The following TANGO2 variants were observed in gnomAD, a reference collection of about 807,000 sequenced individuals.
TANGO2 encodes the protein transport and Golgi organization protein 2 homolog.
TANGO2 carries 26 observed loss-of-function variants against 39.1 expected under a neutral mutation model. The observed-to-expected ratio is 0.67, with a 90% CI of 0.49 to 0.92. The LOEUF is 0.92. Ranked by LOEUF, TANGO2 falls within the 40% of genes least tolerant of loss-of-function variation. TANGO2 has a pLI of 0.00. For synonymous variants in TANGO2, 131 were observed against 144.5 expected, an observed-to-expected ratio of 0.91 and a Z score of 0.67; for missense variants, 326 against 360.1, an observed-to-expected ratio of 0.91 and a Z score of 0.77.
intron 6 of TANGO2, chr22:20,058,603 C>T (rs1051945228): frequency 6.7e-6 from 1 of 150,374 alleles, no homozygotes; most frequent in Non-Finnish European, 1.5e-5. Flanking sequence ...GATCGCGCCA[C>T]TGTACTCCAG....
In TANGO2 at chr22:20,064,779, C is replaced by A. The variant is rs3804045; in HGVS notation, c.*117C>A. ...CACTGCCCGTGGCTTGGCCAGCATC[C>A]CCCGGATCAGGGCCCTGTGGTTTGC... On this transcript the variant is annotated 3_prime_UTR_variant, in exon 9 of 9. Coordinates refer to ENST00000327374, the MANE Select transcript of TANGO2 (RefSeq NM_152906.7). The A allele has an allele frequency of 0.035, 47,244 of 1,345,630 alleles. 1,157 individuals carry two copies. The highest frequency in any genetic ancestry group is 0.092 in the East Asian group (3,781 of 40,972). 83.4% of individuals were successfully genotyped at this position (1,345,630 alleles called of 1,614,324 possible).
intron 6 of TANGO2, 112 bp from the exon 7 acceptor site, chr22:20,061,418 G>A: frequency 1.5e-6 from 2 of 1,305,220 alleles, no homozygotes; most frequent in Admixed American, 2.5e-5. Flanking sequence ...CCTCAGTCTG[G>A]CCTGATTTCA....
At chr22:20,047,235 T>TG (rs1021439555) in intron 3 of TANGO2, among the ~76,000 whole-genome samples, 1 of 149,960 alleles carries the variant, frequency 6.7e-6, no homozygotes, top group Admixed American at 6.6e-5. Flanking sequence ...TTTGTTTGTT[T>TG]TTTTTTTTTT....
At chr22:20,043,992 C>G (rs1159041743) in intron 3 of TANGO2, among the ~76,000 whole-genome samples, 2 of 152,072 alleles carry the variant, frequency 1.3e-5, no homozygotes, top group African/African-American at 2.4e-5. Context: ...CCAGGTCCTC[C>G]CCACCAAAGA....
intron 3 of TANGO2, among the ~76,000 whole-genome samples, chr22:20,044,722 T>C (rs1264710508): frequency 6.6e-6 from 1 of 152,072 alleles, no homozygotes; most frequent in Non-Finnish European, 1.5e-5. Context: ...GAGGATGCAG[T>C]GGGTGCAGGG....
intron 6 of TANGO2, among the ~76,000 whole-genome samples, chr22:20,060,348 C>CAAAAAAAAA (rs1180539682): frequency 1.2e-5 from 1 of 80,700 alleles, no homozygotes; most frequent in African/African-American, 5.1e-5. Flanking sequence ...GACTCCGTCT[C>CAAAAAAAAA]AAAAAAAAAA....
chr22:20,063,887 G>C (rs1267137902), intron 8 of TANGO2, among the ~76,000 whole-genome samples: 1 of 152,244 alleles, frequency 6.6e-6, no homozygotes, highest in Middle Eastern at 3.2e-3. Context: ...GGGAAGGCAA[G>C]TGCCAACTCC....
upstream of TANGO2, among the ~76,000 whole-genome samples, chr22:20,019,025 A>G (rs562235237): frequency 6.6e-6 from 1 of 152,266 alleles, no homozygotes; most frequent in African/African-American, 2.4e-5. Flanking sequence ...CGGAGGTTGC[A>G]GTGAGCTGAA....
chr22:20,024,373 G>A (rs961825732), intron 1 of TANGO2, among the ~76,000 whole-genome samples: 6 of 152,156 alleles, frequency 3.9e-5, no homozygotes, highest in African/African-American at 1.2e-4. Flanking sequence ...CGTGAACAGC[G>A]ACACTGTGTT....
rs1488216197 is a variant in TANGO2 at position 20,043,356 on chromosome 22, C to A, written c.58C>A (p.Leu20Ile). The A allele has an allele frequency of 1.9e-6, 3 of 1,611,246 alleles. No homozygotes were observed. The highest frequency in any genetic ancestry group is 1.7e-5 in the Admixed American group (1 of 59,736). Residue 20 changes from leucine to isoleucine, a missense_variant and splice_region_variant, in exon 3 of 9, where the codon CTC (leucine) becomes ATC (isoleucine). Leu to Ile is a conservative substitution (Grantham distance 5, BLOSUM62 2). Coordinates refer to ENST00000327374, the MANE Select transcript of TANGO2 (RefSeq NM_152906.7). ...ATCAGTGATGCTTTCCTCTTGCAGG[C>A]TCATCTTGGCAGCCAACAGGGATGA... is the stretch of plus-strand genomic sequence containing the variant. ...PRPVSKNAYR[L>I]ILAANRDEFY...
At chr22:20,043,033 C>T (rs2044273362) in intron 2 of TANGO2, among the ~76,000 whole-genome samples, 1 of 152,124 alleles carries the variant, frequency 6.6e-6, no homozygotes. Flanking sequence ...CACCCTCCAG[C>T]CTGGGCTCCC....
rs769161204 is a variant in TANGO2, at chr22:20,064,605, G to A, written c.774G>A (p.Met258Ile). ...GHVTFTERSM[M>I]DKDLSHWETR... Reference sequence around the variant, plus strand: ...TGACCTTCACTGAGCGTAGCATGATGGACAAGGACCTCTCCCACTGGGAGA... The same window carrying A: ...TGACCTTCACTGAGCGTAGCATGATAGACAAGGACCTCTCCCACTGGGAGA... The change falls in exon 9 of 9, where the codon ATG becomes ATA. Residue 258 changes from methionine to isoleucine, a missense_variant. Coordinates refer to ENST00000327374, the MANE Select transcript of TANGO2 (RefSeq NM_152906.7). 2.5e-6 allele frequency: 4 copies of A among 1,614,158 alleles called. No homozygotes were observed. The East Asian group carries it at 8.9e-5, about 36-fold the overall frequency.
At chr22:20,044,541 CAAT>C (rs1439227060) in intron 3 of TANGO2, among the ~76,000 whole-genome samples, 1 of 152,080 alleles carries the variant, frequency 6.6e-6, no homozygotes, top group African/African-American at 2.4e-5. Context: ...ATCAGTCAAT[CAAT>C]CAATCAAATA....
intron 1 of TANGO2, among the ~76,000 whole-genome samples, chr22:20,026,566 C>G (rs955197963): frequency 1.3e-5 from 2 of 152,234 alleles, no homozygotes; most frequent in African/African-American, 4.8e-5. Context: ...TAGACAGCAT[C>G]ACAGGCAGAG....
At chr22:20,034,227 T>C (rs2042417192) in intron 1 of TANGO2, among the ~76,000 whole-genome samples, 1 of 152,088 alleles carries the variant, frequency 6.6e-6, no homozygotes, top group African/African-American at 2.4e-5. Flanking sequence ...CGAGTTCCTT[T>C]TGCTGCTTTG....
intron 2 of TANGO2, among the ~76,000 whole-genome samples, chr22:20,040,326 A>G (rs2043666997): frequency 6.6e-6 from 1 of 152,236 alleles, no homozygotes; most frequent in Admixed American, 6.5e-5. Flanking sequence ...ATGCTCAGTC[A>G]GCTTTTCTTC....
chr22:20,020,082 A>G (rs566313993), upstream of TANGO2, among the ~76,000 whole-genome samples: 92 of 152,316 alleles, frequency 6.0e-4, no homozygotes, highest in African/African-American at 2.2e-3. Flanking sequence ...CTAGGTCTTC[A>G]ACACAGGTTG....
rs778912854 is a variant in TANGO2, at chr22:20,043,364, G to T, written c.66G>T (p.Leu22Phe). ...PVSKNAYRLI[L>F]AANRDEFYSR... ...TGCTTTCCTCTTGCAGGCTCATCTT[G>T]GCAGCCAACAGGGATGAATTCTACA... The change falls in exon 3 of 9, where the codon TTG becomes TTT. Residue 22 changes from leucine to phenylalanine, a missense_variant. By Grantham distance (22) the Leu-to-Phe change is conservative. Coordinates refer to ENST00000327374, the MANE Select transcript of TANGO2 (RefSeq NM_152906.7). 31 of 1,612,184 alleles carry T rather than the reference G, an allele frequency of 1.9e-5. No individual in the cohort carries two copies. Among genetic ancestry groups the T allele is most frequent in the Non-Finnish European group, 2.5e-5 (29 of 1,178,760 alleles).
intron 8 of TANGO2, among the ~76,000 whole-genome samples, chr22:20,064,298 G>C (rs916182905): frequency 6.6e-6 from 1 of 152,210 alleles, no homozygotes; most frequent in Non-Finnish European, 1.5e-5. Context: ...AGGGTGGGGT[G>C]GTTCCCAGTG....
Sources: gnomAD v4.1 joint callset for allele counts (sites outside exome capture counted in the v4.1 genomes callset) on GRCh38, gnomAD v4.1.1 for gene constraint, MANE v1.5 for transcripts, NCBI Gene and HGNC (gene_info 2026-07-23, HGNC 2026-07-21) for gene names.